The following CDYL2 variants were observed in gnomAD, a reference collection of about 807,000 sequenced individuals.
The protein encoded by CDYL2 is chromodomain Y like 2.
In CDYL2, 23 loss-of-function variants were observed where a neutral mutation model predicts 49.4. That is an observed-to-expected ratio of 0.47 (90% CI 0.34 to 0.66). CDYL2 has a LOEUF of 0.66. Among genes scored for constraint, CDYL2 ranks in the 30% least tolerant of loss-of-function variants. The pLI is 0.01. For synonymous variants in CDYL2, 360 were observed against 268.8 expected, an observed-to-expected ratio of 1.34 and a Z score of -3.32; for missense variants, 678 against 656.4, an observed-to-expected ratio of 1.03 and a Z score of -0.36.
At chr16:80,625,826 A>G (rs189782749) in intron 3 of CDYL2, among the ~76,000 whole-genome samples, 214 of 152,348 alleles carry the variant, frequency 1.4e-3, no homozygotes, top group African/African-American at 4.9e-3. Flanking sequence ...GAGGAAAACA[A>G]CTGTCAACAA....
At chr16:80,674,386 C>T (rs1171624882) in intron 2 of CDYL2, among the ~76,000 whole-genome samples, 4 of 152,078 alleles carry the variant, frequency 2.6e-5, no homozygotes, top group Non-Finnish European at 5.9e-5. Context: ...GAAACGGTAG[C>T]TGTTATTTTT....
intron 1 of CDYL2, chr16:80,742,121 G>A (rs1905758142): frequency 1.3e-5 from 2 of 152,200 alleles, no homozygotes; most frequent in South Asian, 4.1e-4. Context: ...GATATACAGA[G>A]ATCAAGAATC....
intron 1 of CDYL2, among the ~76,000 whole-genome samples, chr16:80,715,471 C>A (rs1173435587): frequency 6.6e-6 from 1 of 152,200 alleles, no homozygotes; most frequent in African/African-American, 2.4e-5. Context: ...TCCTGAATGT[C>A]TTTGCAAGAC....
chr16:80,620,845 T>G lies in CDYL2; in HGVS notation c.925A>C (p.Ser309Arg), dbSNP rs1907049634. Residue 309 changes from serine (S) to arginine (R), a missense_variant, in exon 4 of 7, where the codon AGC becomes CGC. Physicochemically the swap from Ser to Arg is moderately radical, Grantham distance 110 (BLOSUM62 -1). Coordinates refer to ENST00000570137, the MANE Select transcript of CDYL2 (RefSeq NM_152342.4). Reference protein sequence around the residue: ...LLSAVGSVFCSGLDYSYLIGR... With the variant: ...LLSAVGSVFCRGLDYSYLIGR... The stretch of plus-strand genomic sequence containing the variant: ...ATTAGGTAGGAATAATCCAGGCCGC[T>G]GCAGAACACGCTCCCCACTGCGCTG... 1 of 1,613,632 alleles carries G rather than the reference T, an allele frequency of 6.2e-7. No individual in the cohort carries two copies. The highest frequency in any genetic ancestry group is 1.1e-5 in the South Asian group (1 of 91,058).
intron 1 of CDYL2, among the ~76,000 whole-genome samples, chr16:80,707,866 A>G (rs557800263): frequency 1.3e-5 from 2 of 152,330 alleles, no homozygotes; most frequent in African/African-American, 4.8e-5. Flanking sequence ...ATCACTGTAC[A>G]CTGGGAAAAT....
At chr16:80,789,053 A>G (rs1214538417) in intron 1 of CDYL2, among the ~76,000 whole-genome samples, 14 of 152,216 alleles carry the variant, frequency 9.2e-5, no homozygotes, top group Admixed American at 9.2e-4. Context: ...GAGAATTCAA[A>G]TTAAAATCAC....
intron 1 of CDYL2, among the ~76,000 whole-genome samples, chr16:80,775,299 G>T (rs906967173): frequency 6.6e-6 from 1 of 151,760 alleles, no homozygotes; most frequent in Non-Finnish European, 1.5e-5. Context: ...TTGAGGAAAT[G>T]TTAAAGATAA....
At chr16:80,695,157 C>T (rs939467869) in intron 1 of CDYL2, among the ~76,000 whole-genome samples, 2 of 152,228 alleles carry the variant, frequency 1.3e-5, no homozygotes, top group African/African-American at 2.4e-5. Context: ...TTTATTGGTA[C>T]ACACCCATGT....
At chr16:80,804,679 G>A (rs983313955), upstream of CDYL2, among the ~76,000 whole-genome samples, 2 of 146,958 alleles carry the variant, frequency 1.4e-5, no homozygotes, top group African/African-American at 4.9e-5. Flanking sequence ...GCGCCCCGGG[G>A]GACCGGTCCC....
chr16:80,804,909 C>T (rs1908054859), upstream of CDYL2, among the ~76,000 whole-genome samples: 2 of 152,024 alleles, frequency 1.3e-5, no homozygotes. Context: ...CTACCTCCTC[C>T]ACCCTCGAGG....
At chr16:80,768,307 A>T (rs1445103297) in intron 1 of CDYL2, among the ~76,000 whole-genome samples, 1 of 152,192 alleles carries the variant, frequency 6.6e-6, no homozygotes, top group African/African-American at 2.4e-5. Flanking sequence ...TATCTCCTGA[A>T]CTTGGTCCAC....
chr16:80,604,761 C>T (rs554454033), intron 6 of CDYL2, among the ~76,000 whole-genome samples: 2 of 152,300 alleles, frequency 1.3e-5, no homozygotes, highest in South Asian at 4.1e-4. Flanking sequence ...CCTGGGATGG[C>T]TCAGTGGGGC....
At chr16:80,722,653 G>A (rs146935715) in intron 1 of CDYL2, among the ~76,000 whole-genome samples, 1 of 152,340 alleles carries the variant, frequency 6.6e-6, no homozygotes, top group African/African-American at 2.4e-5. Flanking sequence ...TACAGAGGAA[G>A]AAACTGACAG....
At position 80,804,195 on chromosome 16, in the gene CDYL2, C is replaced by T. The variant is rs887099497; in HGVS notation, c.-22G>A. On this transcript the variant is annotated 5_prime_UTR_variant, in exon 1 of 7. Coordinates refer to ENST00000570137, the MANE Select transcript of CDYL2 (RefSeq NM_152342.4). ...CCATGCCAGGCTGCGGAACTTGGCT[C>T]GCCGGTGTGCGCGTCTGCTCGCTCG... is the stretch of plus-strand genomic sequence containing the variant. 7 of 1,334,702 alleles carry T rather than the reference C, an allele frequency of 5.2e-6. No individual in the cohort carries two copies. The highest frequency in any genetic ancestry group is 4.0e-4 in the Middle Eastern group (2 of 4,992). 82.7% of individuals were successfully genotyped at this position (1,334,702 alleles called of 1,614,324 possible).
chr16:80,639,795 T>C, intron 2 of CDYL2: 1 of 451,908 alleles, frequency 2.2e-6, no homozygotes, highest in South Asian at 1.6e-5. Context: ...AAAGCACGTT[T>C]GTGCACTGTG....
intron 1 of CDYL2, among the ~76,000 whole-genome samples, chr16:80,751,016 T>A (rs905147718): frequency 1.3e-4 from 16 of 122,964 alleles, no homozygotes; most frequent in African/African-American, 7.4e-4. Context: ...TGAGATTCCA[T>A]CTTAAAAAAA....
intron 1 of CDYL2, among the ~76,000 whole-genome samples, chr16:80,794,118 T>C (rs1163719354): frequency 6.6e-6 from 1 of 152,118 alleles, no homozygotes; most frequent in Non-Finnish European, 1.5e-5. Flanking sequence ...CACAATATTG[T>C]CCCCATTCCT....
At chr16:80,610,843 C>A (rs1253562054) in intron 5 of CDYL2, among the ~76,000 whole-genome samples, 1 of 152,196 alleles carries the variant, frequency 6.6e-6, no homozygotes, top group Non-Finnish European at 1.5e-5. Context: ...CTCCTATGAC[C>A]TATGACATCT....
At chr16:80,680,892 T>C (rs1177797068) in intron 2 of CDYL2, among the ~76,000 whole-genome samples, 1 of 152,036 alleles carries the variant, frequency 6.6e-6, no homozygotes, top group Non-Finnish European at 1.5e-5. Context: ...TACAGCCCGT[T>C]TTAACAAGCT....
Sources: gnomAD v4.1 joint callset for allele counts (sites outside exome capture counted in the v4.1 genomes callset) on GRCh38, gnomAD v4.1.1 for gene constraint, MANE v1.5 for transcripts, NCBI Gene and HGNC (gene_info 2026-07-23, HGNC 2026-07-21) for gene names.